Variants in SEC22C observed in about 807,000 individuals in gnomAD.
The protein encoded by SEC22C is SEC22 homolog C, vesicle trafficking protein.
A neutral mutation model predicts 34.7 loss-of-function variants in SEC22C; 29 were observed. The observed-to-expected ratio is 0.84, with a 90% CI of 0.62 to 1.14. The LOEUF (loss-of-function observed/expected upper bound fraction) is 1.14. Ranked by LOEUF, SEC22C falls within the 50% of genes most tolerant of loss-of-function variation. The pLI, the probability that SEC22C is intolerant of heterozygous loss-of-function variation, is 0.00. For missense variants in SEC22C, 337 were observed against 369.0 expected (o/e 0.91, Z 0.71); for synonymous variants, 117 against 132.8 (o/e 0.88, Z 0.82).
chr3:42,586,943 C>G (rs145797372), upstream of SEC22C, among the ~76,000 whole-genome samples: 263 of 152,302 alleles, frequency 1.7e-3, 2 homozygotes, highest in African/African-American at 6.3e-3. Flanking sequence ...GGGGCATCAC[C>G]AGTTTCTCAG....
chr3:42,582,248 C>T (rs1393266685), upstream of SEC22C: 1 of 152,276 alleles, frequency 6.6e-6, no homozygotes, highest in Non-Finnish European at 1.5e-5. Context: ...GAGAAGGAGC[C>T]TTCGTGATCT....
chr3:42,588,778 C>T (rs570646252), intron 1 of SEC22C, among the ~76,000 whole-genome samples: 140 of 152,234 alleles, frequency 9.2e-4, no homozygotes, highest in African/African-American at 3.1e-3. Flanking sequence ...AGTGGAACTA[C>T]GGAAGACCTG....
chr3:42,591,434 C>T, intron 1 of SEC22C: 2 of 898,180 alleles, frequency 2.2e-6, no homozygotes, highest in Non-Finnish European at 3.7e-6. Context: ...ACCTCGTGAT[C>T]CGCCTAGATC....
chr3:42,571,049 C>G (rs949521209), intron 1 of SEC22C, among the ~76,000 whole-genome samples: 4 of 152,182 alleles, frequency 2.6e-5, no homozygotes, highest in Non-Finnish European at 5.9e-5. Context: ...GTATGCCCCT[C>G]TAAAGGAAAG....
intron 4 of SEC22C, among the ~76,000 whole-genome samples, chr3:42,560,527 AAAG>A (rs540503708): frequency 1.4e-3 from 214 of 151,452 alleles, no homozygotes; most frequent in Non-Finnish European, 1.8e-3. Flanking sequence ...AAAAAAAAAA[AAAG>A]AAGAAGAAGA....
In SEC22C at chr3:42,553,298, G is replaced by A. The variant is rs749545108; in HGVS notation, c.862C>T (p.Gln288Ter). The A allele has an allele frequency of 6.2e-7, 1 of 1,614,160 alleles. No homozygotes were observed. Among genetic ancestry groups the A allele is most frequent in the South Asian group, 1.1e-5 (1 of 91,082 alleles). ...HIGVAFLSSYQILTRQLQEKQ... is the reference protein window; with the variant it reads ...HIGVAFLSSY ...TCCTGAAGCTGCCTTGTTAGTATCT[G>A]ATATGAAGACAGAAAAGCCACTCCT... Residue 288 changes from glutamine to a stop codon, truncating the protein, a stop_gained, in exon 7 of 7, where the codon CAG (glutamine) becomes TAG (stop). Transcript: ENST00000264454. LOFTEE classifies it high-confidence loss of function.
At chr3:42,591,592 A>T in intron 1 of SEC22C, 1 of 1,612,716 alleles carries the variant, frequency 6.2e-7, no homozygotes, top group South Asian at 1.1e-5. Context: ...CGCGGGAACG[A>T]GTGCGTGCAG....
chr3:42,561,473 TCAAGTGATTCTCC>T (rs1702906471), intron 3 of SEC22C, among the ~76,000 whole-genome samples, 177 bp from the exon 4 acceptor site: 1 of 152,156 alleles, frequency 6.6e-6, no homozygotes. Flanking sequence ...CCTCCCAGGC[TCAAGTGATTCTCC>T]CACCTAAGCC....
At chr3:42,568,709 C>G (rs1481362339) in intron 2 of SEC22C, among the ~76,000 whole-genome samples, 156 bp downstream of exon 2, 4 of 151,144 alleles carry the variant, frequency 2.6e-5, no homozygotes, top group Admixed American at 2.6e-4. Flanking sequence ...AAACCCATTT[C>G]TTTTATGATT....
chr3:42,598,684 T>G (rs1416528002), intron 1 of SEC22C, among the ~76,000 whole-genome samples: 4 of 151,242 alleles, frequency 2.6e-5, no homozygotes, highest in Non-Finnish European at 5.9e-5. Context: ...AATACTAGAG[T>G]AGACAAATTT....
chr3:42,553,594 AC>A, intron 6 of SEC22C, 146 bp from the exon 7 acceptor site: 1 of 1,242,084 alleles, frequency 8.1e-7, no homozygotes, highest in Non-Finnish European at 1.1e-6. Flanking sequence ...TAAAGCGTGG[AC>A]CCACTGGTTA....
At chr3:42,586,769 T>C (rs1189922129), upstream of SEC22C, among the ~76,000 whole-genome samples, 1 of 152,182 alleles carries the variant, frequency 6.6e-6, no homozygotes, top group African/African-American at 2.4e-5. Flanking sequence ...GTGATGTTTC[T>C]CAAAGCTGTA....
At chr3:42,560,874 A>G (rs541875758) in intron 4 of SEC22C, among the ~76,000 whole-genome samples, 2 of 152,206 alleles carry the variant, frequency 1.3e-5, no homozygotes, top group South Asian at 4.2e-4. Flanking sequence ...TCCTGGACTC[A>G]AGTGATCCGC....
Position 42,552,052 on chromosome 3 carries a change from G to A in SEC22C, c.*1196C>T. On this transcript the variant is annotated 3_prime_UTR_variant, in exon 7 of 7. Transcript: ENST00000264454. ...TGCGTGGTACAAAACAAGCCAGGCT[G>A]AAATTTCGGGAAACCTAAGGGATCT... 1 of 985,436 alleles carries A rather than the reference G, an allele frequency of 1.0e-6. No homozygotes were observed. 61.0% of individuals were successfully genotyped at this position (985,436 alleles called of 1,614,324 possible). A position where few individuals can be genotyped will look rare whatever the true frequency, so the allele number is the denominator to read the frequency against.
In SEC22C at chr3:42,548,728, G is replaced by A; in HGVS notation, c.*4520C>T. On this transcript the variant is annotated 3_prime_UTR_variant, in exon 7 of 7. Coordinates refer to ENST00000264454, the MANE Select transcript of SEC22C (RefSeq NM_032970.4). ...GGAGTGAAAGGCAGGTCCAGGGTGG[G>A]AAGAAGAGGGGCTGCTACCTTTTGG... 2 of 1,609,132 alleles carry A rather than the reference G, an allele frequency of 1.2e-6. No individual in the cohort carries two copies. Among genetic ancestry groups the A allele is most frequent in the Non-Finnish European group, 1.7e-6 (2 of 1,176,454 alleles).
At chr3:42,554,070 C>T (rs150773476) in intron 6 of SEC22C, among the ~76,000 whole-genome samples, 19 of 149,736 alleles carry the variant, frequency 1.3e-4, no homozygotes, top group African/African-American at 2.4e-4. Flanking sequence ...AAGGTGGAAA[C>T]GGCATTTTGG....
intron 2 of SEC22C, chr3:42,566,771 A>G: frequency 2.7e-6 from 1 of 368,808 alleles, no homozygotes; most frequent in Non-Finnish European, 5.5e-6. Context: ...TGGAAGGCCA[A>G]GGCGGGAGGA....
At chr3:42,596,643 C>T (rs1705040629) in intron 1 of SEC22C, among the ~76,000 whole-genome samples, 1 of 152,224 alleles carries the variant, frequency 6.6e-6, no homozygotes, top group South Asian at 2.1e-4. Context: ...ACCTTAATCA[C>T]AGACCAAATT....
At chr3:42,571,986 T>C (rs1282371820) in intron 1 of SEC22C, among the ~76,000 whole-genome samples, 2 of 152,008 alleles carry the variant, frequency 1.3e-5, no homozygotes, top group Admixed American at 6.5e-5. Context: ...TGAGCTGAGA[T>C]TGTGTCACTG....
Sources: gnomAD v4.1 joint callset for allele counts (sites outside exome capture counted in the v4.1 genomes callset) on GRCh38, gnomAD v4.1.1 for gene constraint, MANE v1.5 for transcripts, NCBI Gene and HGNC (gene_info 2026-07-23, HGNC 2026-07-21) for gene names.